Variants in RAB3C observed in about 807,000 individuals in gnomAD.
RAB3C encodes ras-related protein Rab-3C.
RAB3C carries 17 observed loss-of-function variants against 26.4 expected under a neutral mutation model. The observed-to-expected ratio is 0.64, with a 90% CI of 0.44 to 0.97. The LOEUF (loss-of-function observed/expected upper bound fraction) is 0.97, where lower values mean the gene tolerates loss of function less well. Ranked by LOEUF, RAB3C falls within the 50% of genes least tolerant of loss-of-function variation. The probability of loss-of-function intolerance (pLI) is 0.00; values close to 1 mark genes in which losing one functional copy is unlikely to be tolerated. For synonymous variants in RAB3C, 91 were observed against 95.9 expected, an observed-to-expected ratio of 0.95 and a Z score of 0.30; for missense variants, 242 against 281.9, an observed-to-expected ratio of 0.86 and a Z score of 1.01.
chr5:58,849,878 A>T (rs140456724), intron 4 of RAB3C, among the ~76,000 whole-genome samples: 14 of 152,378 alleles, frequency 9.2e-5, no homozygotes, highest in African/African-American at 3.4e-4. Flanking sequence ...GATGCAAAAT[A>T]TTAATCTGTT....
At chr5:58,623,956 C>T (rs1426189266) in intron 2 of RAB3C, among the ~76,000 whole-genome samples, 2 of 152,266 alleles carry the variant, frequency 1.3e-5, no homozygotes, top group Admixed American at 1.3e-4. Context: ...GGAAATAACA[C>T]CTACCCCTGA....
At chr5:58,628,360 A>G (rs1747109669) in intron 2 of RAB3C, among the ~76,000 whole-genome samples, 1 of 152,108 alleles carries the variant, frequency 6.6e-6, no homozygotes, top group South Asian at 2.1e-4. Context: ...GGGAAGTAAT[A>G]AGGGAAGATG....
intron 2 of RAB3C, among the ~76,000 whole-genome samples, chr5:58,709,114 T>C (rs1216721383): frequency 6.6e-6 from 1 of 152,210 alleles, no homozygotes; most frequent in African/African-American, 2.4e-5. Context: ...CTTCTGGAAA[T>C]TTGTTTTCTC....
intron 1 of RAB3C, among the ~76,000 whole-genome samples, chr5:58,586,746 T>C (rs911968578): frequency 2.6e-5 from 4 of 152,080 alleles, no homozygotes; most frequent in African/African-American, 7.2e-5. Context: ...AAAAAAATGT[T>C]TGGCTAAAGA....
intron 2 of RAB3C, among the ~76,000 whole-genome samples, chr5:58,654,397 A>C (rs1460773290): frequency 6.6e-6 from 1 of 152,206 alleles, no homozygotes; most frequent in African/African-American, 2.4e-5. Context: ...ACTTTACCCT[A>C]CAAGATTCAA....
At chr5:58,596,479 T>A (rs1746255925) in intron 1 of RAB3C, among the ~76,000 whole-genome samples, 1 of 140,088 alleles carries the variant, frequency 7.1e-6, no homozygotes, top group South Asian at 2.1e-4. Context: ...AGATTTTACA[T>A]ATATAGTAAA....
chr5:58,736,783 G>A (rs768285334), intron 3 of RAB3C, among the ~76,000 whole-genome samples: 10 of 152,096 alleles, frequency 6.6e-5, no homozygotes, highest in East Asian at 1.9e-4. Context: ...GGGTTATAAC[G>A]TCAACATCTT....
chr5:58,678,352 A>T lies in RAB3C; in HGVS notation c.253-47650A>T, dbSNP rs370355408. Among the ~76,000 whole-genome samples, 7 of 152,250 alleles carry T rather than the reference A, an allele frequency of 4.6e-5. No homozygotes were observed. The South Asian group carries it at 1.0e-3, about 23-fold the overall frequency. ...TGCTACAAATAGCTGAAATTTTTACATTTAATTTATATTTATGTTCAGAGT... is the reference window on the plus strand; with the variant it reads ...TGCTACAAATAGCTGAAATTTTTACTTTTAATTTATATTTATGTTCAGAGT... On this transcript the variant is annotated intron_variant, in intron 2 of 4. Transcript: ENST00000282878.
In RAB3C at chr5:58,851,768, A is replaced by G; in HGVS notation, c.*417A>G. 6.7e-6 allele frequency: 1 copy of G among 149,778 alleles called. No homozygotes were observed. Among genetic ancestry groups the G allele is most frequent in the Non-Finnish European group, 1.5e-5 (1 of 68,186 alleles). The allele number at this position is 149,778 out of a possible 1,614,324, so 9.3% of individuals were successfully genotyped here. On this transcript the variant is annotated 3_prime_UTR_variant, in exon 5 of 5. Coordinates refer to ENST00000282878, the MANE Select transcript of RAB3C (RefSeq NM_138453.4). ...TGTGTGTGTGTGTGTGTGTGTGTGC[A>G]CGCATGCCCGCATGCGTGCAGAGGA...
At chr5:58,827,379 A>T (rs3852145) in intron 4 of RAB3C, among the ~76,000 whole-genome samples, 30,136 of 152,042 alleles carry the variant, frequency 0.2, 3,047 homozygotes, top group Non-Finnish European at 0.21. Context: ...TTGGTTAAAA[A>T]ATATATATAT....
chr5:58,610,453 T>C (rs572550664), intron 1 of RAB3C, among the ~76,000 whole-genome samples: 83 of 152,100 alleles, frequency 5.5e-4, no homozygotes, highest in Non-Finnish European at 9.6e-4. Context: ...ATAATAGGTA[T>C]ACAGTGGTAT....
chr5:58,607,025 C>T (rs575182936), intron 1 of RAB3C, among the ~76,000 whole-genome samples: 22 of 152,272 alleles, frequency 1.4e-4, no homozygotes, highest in Admixed American at 7.2e-4. Flanking sequence ...GATCGCAGCT[C>T]CTTGCCAGCA....
At chr5:58,745,962 T>C (rs1232474416) in intron 3 of RAB3C, among the ~76,000 whole-genome samples, 1 of 152,168 alleles carries the variant, frequency 6.6e-6, no homozygotes, top group Non-Finnish European at 1.5e-5. Context: ...CCCAATCTTA[T>C]CCTACATAAA....
intron 1 of RAB3C, among the ~76,000 whole-genome samples, chr5:58,610,552 C>T (rs1474781283): frequency 6.6e-6 from 1 of 151,736 alleles, no homozygotes; most frequent in African/African-American, 2.4e-5. Context: ...TTCTTTTTTT[C>T]ACAGGTGACA....
intron 1 of RAB3C, among the ~76,000 whole-genome samples, chr5:58,587,234 T>C (rs1746031497): frequency 6.6e-6 from 1 of 152,198 alleles, no homozygotes; most frequent in Non-Finnish European, 1.5e-5. Context: ...TCTAAGCTTA[T>C]ACTGGAATTG....
At chr5:58,659,864 C>CATG (rs1182597422) in intron 2 of RAB3C, among the ~76,000 whole-genome samples, 1 of 152,174 alleles carries the variant, frequency 6.6e-6, no homozygotes, top group Non-Finnish European at 1.5e-5. Flanking sequence ...AATGCAGTGA[C>CATG]ATGATCTCGG....
intron 3 of RAB3C, among the ~76,000 whole-genome samples, chr5:58,733,445 C>T (rs984659395): frequency 1.3e-5 from 2 of 152,144 alleles, no homozygotes; most frequent in Non-Finnish European, 2.9e-5. Flanking sequence ...TCATCATGGT[C>T]CTTAACTAGG....
chr5:58,841,969 A>G (rs151138808), intron 4 of RAB3C, among the ~76,000 whole-genome samples: 65 of 152,220 alleles, frequency 4.3e-4, no homozygotes, highest in African/African-American at 1.3e-3. Context: ...CAGGCATGTG[A>G]TGTTAAGGGA....
At chr5:58,798,398 C>T (rs559838692) in intron 3 of RAB3C, among the ~76,000 whole-genome samples, 1 of 152,272 alleles carries the variant, frequency 6.6e-6, no homozygotes. Flanking sequence ...GACAAACTGA[C>T]CTGATATGCC....
Sources: allele counts gnomAD v4.1 joint callset (sites outside exome capture counted in the v4.1 genomes callset), GRCh38; gene constraint gnomAD v4.1.1; transcripts MANE v1.5; gene names NCBI Gene and HGNC (gene_info 2026-07-23, HGNC 2026-07-21).